ATP8A2: variants seen among roughly 807,000 people sequenced by gnomAD.
ATP8A2 encodes ATPase phospholipid transporting 8A2.
ATP8A2 carries 100 observed loss-of-function variants against 165.6 expected under a neutral mutation model. That is an observed-to-expected ratio of 0.60 (90% CI 0.51 to 0.71). The LOEUF is 0.71. Among genes scored for constraint, ATP8A2 ranks in the 30% least tolerant of loss-of-function variants. The pLI, the probability that ATP8A2 is intolerant of heterozygous loss-of-function variation, is 0.00. For missense variants in ATP8A2, 1,227 were observed against 1,479.5 expected, an observed-to-expected ratio of 0.83 and a Z score of 2.80; for synonymous variants, 543 against 548.8, an observed-to-expected ratio of 0.99 and a Z score of 0.15.
At chr13:25,521,074 T>A (rs1243009903) in intron 2 of ATP8A2, among the ~76,000 whole-genome samples, 1 of 152,272 alleles carries the variant, frequency 6.6e-6, no homozygotes, top group Non-Finnish European at 1.5e-5. Flanking sequence ...TGCAGTGAGA[T>A]GATATCTCAT....
intron 24 of ATP8A2, among the ~76,000 whole-genome samples, chr13:25,692,992 T>C (rs1238296639): frequency 2.0e-5 from 3 of 152,386 alleles, no homozygotes; most frequent in African/African-American, 7.2e-5. Flanking sequence ...GATTTTGGAA[T>C]ATTTTTTATC....
At chr13:25,951,319 A>G (rs55731775) in intron 33 of ATP8A2, among the ~76,000 whole-genome samples, 1,839 of 152,352 alleles carry the variant, frequency 0.012, 38 homozygotes, top group African/African-American at 0.039. Flanking sequence ...AAAAGAATGA[A>G]TTACAGATAT....
At chr13:25,840,414 A>G (rs1056861756) in intron 30 of ATP8A2, among the ~76,000 whole-genome samples, 1 of 152,224 alleles carries the variant, frequency 6.6e-6, no homozygotes, top group East Asian at 1.9e-4. Flanking sequence ...AGTGAGTTTT[A>G]TGCTTCAAAC....
At chr13:26,015,884 G>A (rs369065809) in intron 36 of ATP8A2, among the ~76,000 whole-genome samples, 3 of 152,134 alleles carry the variant, frequency 2.0e-5, no homozygotes, top group African/African-American at 4.8e-5. Flanking sequence ...GGCTTCCTCC[G>A]AGCTCCCCGT....
intron 1 of ATP8A2, among the ~76,000 whole-genome samples, chr13:25,412,294 G>C (rs1484592257): frequency 6.7e-6 from 1 of 149,524 alleles, no homozygotes; most frequent in Non-Finnish European, 1.5e-5. Context: ...GGATACCTAG[G>C]ATGCCATAAA....
chr13:26,012,593 G>A lies in ATP8A2; in HGVS notation c.3440G>A (p.Arg1147Gln). 6.6e-7 allele frequency: 1 copy of A among 1,516,582 alleles called. No homozygotes were observed. The allele number at this position is 1,516,582 out of a possible 1,614,324, so 93.9% of individuals were successfully genotyped here. A position where few individuals can be genotyped will look rare whatever the true frequency, so the allele number is the denominator to read the frequency against. ...CGGAAGACGCCCCCGACGCTGTTCC[G>A]GGGCAGCTCCCTGCAGCAGGGCGTC... ...LGRKTPPTLFRGSSLQQGVPH... is the reference protein window; with the variant it reads ...LGRKTPPTLFQGSSLQQGVPH... Residue 1147 changes from arginine (R) to glutamine (Q), a missense_variant, in exon 36 of 37, where the codon CGG (arginine) becomes CAG (glutamine). This residue lies in a region of ATP8A2 where 260 missense variants were observed against 245.1 expected (regional missense o/e 1.06). Coordinates refer to ENST00000381655, the MANE Select transcript of ATP8A2 (RefSeq NM_016529.6).
chr13:25,541,444 G>A (rs1245032228), intron 8 of ATP8A2, among the ~76,000 whole-genome samples: 1 of 152,112 alleles, frequency 6.6e-6, no homozygotes, highest in African/African-American at 2.4e-5. Context: ...GATCACTTGA[G>A]CTCAGGATTT....
intron 1 of ATP8A2, among the ~76,000 whole-genome samples, chr13:25,387,522 C>G (rs951264781): frequency 6.6e-6 from 1 of 152,288 alleles, no homozygotes; most frequent in South Asian, 2.1e-4. Flanking sequence ...CACAGCTTCA[C>G]TGCCTTAGTG....
At chr13:25,964,010 C>T (rs1236809603) in intron 34 of ATP8A2, among the ~76,000 whole-genome samples, 2 of 152,256 alleles carry the variant, frequency 1.3e-5, no homozygotes, top group Non-Finnish European at 2.9e-5. Context: ...AACCCGGGCT[C>T]TGCAGTGGAG....
chr13:25,444,021 A>C (rs989006025), intron 1 of ATP8A2, among the ~76,000 whole-genome samples: 9 of 152,248 alleles, frequency 5.9e-5, no homozygotes, highest in Non-Finnish European at 1.2e-4. Context: ...ACTAACACCC[A>C]AATAAAAATA....
rs182849221 is a variant in ATP8A2 at position 25,609,866 on chromosome 13, A to G, written c.2211+20167A>G. Among the ~76,000 whole-genome samples the G allele has an allele frequency of 2.3e-3, 344 of 150,972 alleles. 3 individuals are homozygous for G. The highest frequency in any genetic ancestry group is 3.1e-3 in the Non-Finnish European group (208 of 67,758). ...GGTTTTGATTTGCATTTCTCTGATCATTAGTGATGTTGAGCATTTTTTCAT... is the reference window on the plus strand; with the variant it reads ...GGTTTTGATTTGCATTTCTCTGATCGTTAGTGATGTTGAGCATTTTTTCAT... On this transcript the variant is annotated intron_variant, in intron 24 of 36. Coordinates refer to ENST00000381655, the MANE Select transcript of ATP8A2 (RefSeq NM_016529.6).
At chr13:25,592,814 A>G (rs1427149043) in intron 24 of ATP8A2, among the ~76,000 whole-genome samples, 1 of 152,158 alleles carries the variant, frequency 6.6e-6, no homozygotes, top group African/African-American at 2.4e-5. Flanking sequence ...GTGGTTTGTG[A>G]CGCCAAACTG....
At chr13:25,683,354 T>C (rs2042534720) in intron 24 of ATP8A2, among the ~76,000 whole-genome samples, 1 of 152,202 alleles carries the variant, frequency 6.6e-6, no homozygotes, top group South Asian at 2.1e-4. Flanking sequence ...TTGTTAGTGT[T>C]CTAGACACAT....
At chr13:26,013,099 G>A (rs550130282) in intron 36 of ATP8A2, among the ~76,000 whole-genome samples, 2 of 151,008 alleles carry the variant, frequency 1.3e-5, no homozygotes, top group South Asian at 4.3e-4. Context: ...AGAGGAGAGT[G>A]GGAGGCTGTG....
At chr13:25,472,187 AGTT>A (rs1171201510) in intron 2 of ATP8A2, among the ~76,000 whole-genome samples, 3 of 152,202 alleles carry the variant, frequency 2.0e-5, no homozygotes, top group Non-Finnish European at 2.9e-5. Context: ...TGAAGCCAGG[AGTT>A]TGAGACCAGC....
intron 2 of ATP8A2, among the ~76,000 whole-genome samples, chr13:25,486,533 T>G (rs1272108468): frequency 2.0e-5 from 3 of 152,150 alleles, no homozygotes; most frequent in Non-Finnish European, 4.4e-5. Flanking sequence ...ATACAACCAT[T>G]AGAAAAAAAT....
At chr13:25,416,614 C>CACA (rs1566116518) in intron 1 of ATP8A2, among the ~76,000 whole-genome samples, 1 of 152,146 alleles carries the variant, frequency 6.6e-6, no homozygotes, top group African/African-American at 2.4e-5. Flanking sequence ...ATCTCCTTTA[C>CACA]ACAGATTCAA....
At position 25,735,147 on chromosome 13, in the gene ATP8A2, C is replaced by T. The variant is rs559598263; in HGVS notation, c.2385-33899C>T. Among the ~76,000 whole-genome samples, 113 of 152,296 alleles carry T rather than the reference C, an allele frequency of 7.4e-4. 1 individual carries two copies. Among genetic ancestry groups the T allele is most frequent in the Non-Finnish European group, 3.2e-4 (22 of 68,034 alleles). ...GTCTTCTGTTTTGGAAATCTTATTG[C>T]AGGTTGCTGGCTGGCTAAAGCATTG... On this transcript the variant is annotated intron_variant, in intron 25 of 36. Coordinates refer to ENST00000381655, the MANE Select transcript of ATP8A2 (RefSeq NM_016529.6).
At chr13:25,683,237 A>G (rs761482609) in intron 24 of ATP8A2, among the ~76,000 whole-genome samples, 1 of 152,218 alleles carries the variant, frequency 6.6e-6, no homozygotes, top group Non-Finnish European at 1.5e-5. Flanking sequence ...TTAAGCCTGT[A>G]GCAGCTGCAA....
Sources: gnomAD v4.1 joint callset for allele counts (sites outside exome capture counted in the v4.1 genomes callset) on GRCh38, gnomAD v4.1.1 for gene constraint, gnomAD v4.1.1 regional missense constraint, MANE v1.5 for transcripts, NCBI Gene and HGNC (gene_info 2026-07-23, HGNC 2026-07-21) for gene names.